The following PCDHGA9 variants were observed in gnomAD, a reference collection of about 807,000 sequenced individuals.
The protein encoded by PCDHGA9 is protocadherin gamma subfamily A, 9, also known as protocadherin gamma-A9.
A neutral mutation model predicts 62.5 loss-of-function variants in PCDHGA9; 37 were observed. The observed-to-expected ratio is 0.59, with a 90% confidence interval of 0.46 to 0.78. The LOEUF is 0.78. Ranked by LOEUF, PCDHGA9 falls within the 30% of genes least tolerant of loss-of-function variation. PCDHGA9 has a pLI of 0.00. For synonymous variants in PCDHGA9, 459 were observed against 484.6 expected, an observed-to-expected ratio of 0.95 and a Z score of 0.69; for missense variants, 1,138 against 1,166.2, an observed-to-expected ratio of 0.98 and a Z score of 0.35.
rs2099746867 is a variant in PCDHGA9, at chr5:141,493,199, C to T, written c.2425-1608C>T. Among the ~76,000 whole-genome samples the T allele has an allele frequency of 6.6e-6, 1 of 152,168 alleles. No individual in the cohort carries two copies. Among genetic ancestry groups the T allele is most frequent in the Non-Finnish European group, 1.5e-5 (1 of 68,020 alleles). ...CTTACTATATAACTCCTTTGAGAAC[C>T]TCATCTCATTTGCTCTTCCCACCAT... On this transcript the variant is annotated intron_variant, in intron 1 of 3. Coordinates refer to ENST00000573521, the MANE Select transcript of PCDHGA9 (RefSeq NM_018921.3). This position sits in a 1 kb window ranked among gnomAD's most constrained non-coding sequence, Gnocchi z 4.3.
At chr5:141,470,795 C>T (rs947636574) in intron 1 of PCDHGA9, among the ~76,000 whole-genome samples, 2 of 152,182 alleles carry the variant, frequency 1.3e-5, no homozygotes, top group Non-Finnish European at 2.9e-5. Context: ...TCAAGCAATC[C>T]TCCCACTTCA....
In PCDHGA9 at chr5:141,511,284, G is replaced by A; in HGVS notation, c.*111G>A. Reference sequence around the variant, plus strand: ...AGGGCTAACCCCCAGAATACTGGTAGGGGCCAAGGCCATGCTCCCCTTGGG... The same window carrying A: ...AGGGCTAACCCCCAGAATACTGGTAAGGGCCAAGGCCATGCTCCCCTTGGG... On this transcript the variant is annotated 3_prime_UTR_variant, in exon 4 of 4. Coordinates refer to ENST00000573521, the MANE Select transcript of PCDHGA9 (RefSeq NM_018921.3). 6.5e-7 allele frequency: 1 copy of A among 1,528,376 alleles called. No individual in the cohort carries two copies. The highest frequency in any genetic ancestry group is 1.4e-5 in the African/African-American group (1 of 72,796). The allele number at this position is 1,528,376 out of a possible 1,614,324, so 94.7% of individuals were successfully genotyped here.
chr5:141,432,797 T>C lies in PCDHGA9; in HGVS notation c.2424+27421T>C, dbSNP rs1591218426. On this transcript the variant is annotated intron_variant, in intron 1 of 3. Coordinates refer to ENST00000573521, the MANE Select transcript of PCDHGA9 (RefSeq NM_018921.3). The surrounding 1 kb of genome is among the most constrained non-coding windows in gnomAD (Gnocchi z 6.0). The stretch of plus-strand genomic sequence containing the variant: ...CCTGGCGGACCTCGGCAGCCTCGAG[T>C]CTCCAGCTAACTCTGAAACCTCAGA... 2.5e-6 allele frequency: 4 copies of C among 1,613,752 alleles called. No individual in the cohort carries two copies. The highest frequency in any genetic ancestry group is 2.7e-5 in the African/African-American group (2 of 74,816).
Position 141,432,229 on chromosome 5 carries a change from C to T in PCDHGA9, c.2424+26853C>T, listed in dbSNP as rs1246285803. Reference sequence around the variant, plus strand: ...AAGAGAACGCCCAGATCACTTATTCCCTGGCTGAGAACACCATCCAAGGGG... The same window carrying T: ...AAGAGAACGCCCAGATCACTTATTCTCTGGCTGAGAACACCATCCAAGGGG... On this transcript the variant is annotated intron_variant, in intron 1 of 3. Coordinates refer to ENST00000573521, the MANE Select transcript of PCDHGA9 (RefSeq NM_018921.3). The surrounding 1 kb of genome is among the most constrained non-coding windows in gnomAD (Gnocchi z 6.0). The T allele has an allele frequency of 6.2e-7, 1 of 1,614,232 alleles. No homozygotes were observed.
intron 1 of PCDHGA9, chr5:141,427,070 G>A (rs929936578): frequency 3.1e-5 from 14 of 457,822 alleles, no homozygotes; most frequent in Non-Finnish European, 6.2e-5. Context: ...TACTAAAGGT[G>A]ACAGCCACTG....
At chr5:141,423,203 T>A (rs2096720538) in intron 1 of PCDHGA9, 1 of 1,613,508 alleles carries the variant, frequency 6.2e-7, no homozygotes, top group African/African-American at 1.3e-5. Context: ...TCGGCCACCG[T>A]CACGCTCACC....
chr5:141,407,591 C>T (rs878883569), intron 1 of PCDHGA9, among the ~76,000 whole-genome samples: 1 of 151,680 alleles, frequency 6.6e-6, no homozygotes, highest in Non-Finnish European at 1.5e-5. Flanking sequence ...CTTAATGTCT[C>T]ATCTTAAAAA....
chr5:141,428,731 A>G (rs1290064919), intron 1 of PCDHGA9: 1 of 159,494 alleles, frequency 6.3e-6, no homozygotes, highest in Non-Finnish European at 1.4e-5. Context: ...TCTTAAACAT[A>G]TTATATCTAC....
Position 141,459,563 on chromosome 5 carries a change from C to T in PCDHGA9, c.2425-35244C>T, listed in dbSNP as rs1382676727. On this transcript the variant is annotated intron_variant, in intron 1 of 3. Coordinates refer to ENST00000573521, the MANE Select transcript of PCDHGA9 (RefSeq NM_018921.3). ...TTTTATTTCTCTTGGATAAATACCCCAAAACAGAATTGTTTTGGGGGTCAT... is the reference window on the plus strand; with the variant it reads ...TTTTATTTCTCTTGGATAAATACCCTAAAACAGAATTGTTTTGGGGGTCAT... Among the ~76,000 whole-genome samples, 21 of 152,044 alleles carry T rather than the reference C, an allele frequency of 1.4e-4. 1 individual carries two copies.
At chr5:141,408,036 A>C in intron 1 of PCDHGA9, 1 of 1,132,834 alleles carries the variant, frequency 8.8e-7, no homozygotes, top group Non-Finnish European at 1.2e-6. Flanking sequence ...GAAGAAAACC[A>C]GCTCCCACAC....
intron 1 of PCDHGA9, among the ~76,000 whole-genome samples, chr5:141,450,223 G>A (rs1458841129): frequency 2.0e-5 from 3 of 151,818 alleles, no homozygotes; most frequent in Non-Finnish European, 4.4e-5. Context: ...TCACTATGTT[G>A]GCCAGGCTAG....
intron 1 of PCDHGA9, chr5:141,423,360 G>T (rs762976655): frequency 1.2e-6 from 2 of 1,614,224 alleles, no homozygotes; most frequent in South Asian, 2.2e-5. Context: ...TTGTCATCGT[G>T]CTGCTGGCAC....
rs753845173 is a variant in PCDHGA9, at chr5:141,490,873, C to T, written c.2425-3934C>T. On this transcript the variant is annotated intron_variant, in intron 1 of 3. Coordinates refer to ENST00000573521, the MANE Select transcript of PCDHGA9 (RefSeq NM_018921.3). The surrounding 1 kb of genome is among the most constrained non-coding windows in gnomAD (Gnocchi z 5.4). Reference sequence around the variant, plus strand: ...TCGAGACTCCGGCTCTCCCCCATTGCATGCCAACACATCTCTGCATGTGTT... The same window carrying T: ...TCGAGACTCCGGCTCTCCCCCATTGTATGCCAACACATCTCTGCATGTGTT... 5.6e-6 allele frequency: 9 copies of T among 1,613,884 alleles called. No homozygotes were observed. The highest frequency in any genetic ancestry group is 7.6e-6 in the Non-Finnish European group (9 of 1,179,908).
At chr5:141,421,469 G>A in intron 1 of PCDHGA9, 1 of 1,614,122 alleles carries the variant, frequency 6.2e-7, no homozygotes, top group Non-Finnish European at 8.5e-7. Flanking sequence ...GTGAATCCGC[G>A]AAGCGGCAGC....
Position 141,477,917 on chromosome 5 carries a change from G to C in PCDHGA9, c.2425-16890G>C. 6.2e-7 allele frequency: 1 copy of C among 1,614,186 alleles called. No individual in the cohort carries two copies. The highest frequency in any genetic ancestry group is 2.2e-5 in the East Asian group (1 of 44,868). On this transcript the variant is annotated intron_variant, in intron 1 of 3. Transcript: ENST00000573521. The surrounding 1 kb of genome is among the most constrained non-coding windows in gnomAD (Gnocchi z 4.9). ...GGTGGTAGGCTGGGACGCGGATGCA[G>C]GGCACAATGCCTGGCTCTCCTACAG...
chr5:141,454,874 C>A (rs1002727777), intron 1 of PCDHGA9, among the ~76,000 whole-genome samples: 4 of 123,066 alleles, frequency 3.3e-5, no homozygotes, highest in African/African-American at 1.2e-4. Flanking sequence ...GTGGCACGAT[C>A]TTGGCTCACT....
Position 141,476,755 on chromosome 5 carries a change from G to A in PCDHGA9, c.2425-18052G>A, listed in dbSNP as rs1307512875. The stretch of plus-strand genomic sequence containing the variant: ...AACGGGAGCCTAGTCTCCAGTTAGT[G>A]CTGACGGCGTTGGACGGAGGGACCC... On this transcript the variant is annotated intron_variant, in intron 1 of 3. Coordinates refer to ENST00000573521, the MANE Select transcript of PCDHGA9 (RefSeq NM_018921.3). This position sits in a 1 kb window ranked among gnomAD's most constrained non-coding sequence, Gnocchi z 7.6. 1.2e-6 allele frequency: 2 copies of A among 1,613,828 alleles called. No homozygotes were observed. Among genetic ancestry groups the A allele is most frequent in the Non-Finnish European group, 1.7e-6 (2 of 1,180,036 alleles).
At chr5:141,462,121 T>A (rs977258025) in intron 1 of PCDHGA9, among the ~76,000 whole-genome samples, 2 of 151,730 alleles carry the variant, frequency 1.3e-5, no homozygotes, top group Non-Finnish European at 2.9e-5. Context: ...CTGCACCCAG[T>A]CCAATTTTTT....
In PCDHGA9 at chr5:141,512,494, C is replaced by T. The variant is rs2099884262; in HGVS notation, c.*1321C>T. The T allele has an allele frequency of 6.5e-6, 1 of 152,894 alleles. No individual in the cohort carries two copies. Among genetic ancestry groups the T allele is most frequent in the Admixed American group, 6.5e-5 (1 of 15,282 alleles). The allele number at this position is 152,894 out of a possible 1,614,324, so 9.5% of individuals were successfully genotyped here. Reference sequence around the variant, plus strand: ...CTTCCGTGAAGGCCACTGCCCAGGTCCCCAGTGCGCCCCCTAGTGGCCATA... The same window carrying T: ...CTTCCGTGAAGGCCACTGCCCAGGTTCCCAGTGCGCCCCCTAGTGGCCATA... On this transcript the variant is annotated 3_prime_UTR_variant, in exon 4 of 4. Transcript: ENST00000573521.
Sources: allele counts gnomAD v4.1 joint callset (sites outside exome capture counted in the v4.1 genomes callset), GRCh38; gene constraint gnomAD v4.1.1; non-coding constraint Gnocchi (gnomAD v3.1); transcripts MANE v1.5; gene names NCBI Gene and HGNC (gene_info 2026-07-23, HGNC 2026-07-21).